Variants in SAMHD1 observed in about 807,000 individuals in gnomAD.
SAMHD1 encodes deoxynucleoside triphosphate triphosphohydrolase SAMHD1.
Under a neutral mutation model 79.6 loss-of-function variants are expected in SAMHD1, and 54 were observed. That is an observed-to-expected ratio of 0.68 (90% CI 0.55 to 0.85). The LOEUF is 0.85. Ranked by LOEUF, SAMHD1 falls within the 40% of genes least tolerant of loss-of-function variation. SAMHD1 has a pLI of 0.00. For missense variants in SAMHD1, 663 were observed against 782.7 expected, an observed-to-expected ratio of 0.85 and a Z score of 1.82; for synonymous variants, 260 against 264.1, an observed-to-expected ratio of 0.98 and a Z score of 0.15.
chr20:36,920,801 G>T (rs1949112042), intron 6 of SAMHD1, among the ~76,000 whole-genome samples: 1 of 150,790 alleles, frequency 6.6e-6, no homozygotes, highest in African/African-American at 2.4e-5. Flanking sequence ...ACAGAATCAG[G>T]CTGGGTGCAG....
chr20:36,941,107 A>G lies in SAMHD1; in HGVS notation c.280T>C (p.Leu94=). Residue 94 remains leucine (L), a synonymous_variant, in exon 3 of 16, where the codon TTG becomes CTG. Coordinates refer to ENST00000646673, the MANE Select transcript of SAMHD1 (RefSeq NM_015474.4). ...CTAAGCAGCTTCTTCCTCTCCCCCA[A>G]GGAACTAAAATTACAATAGGATAAG... is the stretch of plus-strand genomic sequence containing the variant. ...SRFENLGVSS[L]GERKKLLSYI... 6.2e-7 allele frequency: 1 copy of G among 1,610,036 alleles called. No individual in the cohort carries two copies. Among genetic ancestry groups the G allele is most frequent in the Non-Finnish European group, 8.5e-7 (1 of 1,176,484 alleles).
intron 3 of SAMHD1, chr20:36,940,701 T>TA (rs897249101): frequency 0.016 from 4,488 of 285,624 alleles, no homozygotes; most frequent in South Asian, 0.026. Flanking sequence ...CACATTTCAT[T>TA]AAAAAAAAAA....
chr20:36,893,796 G>C (rs1467719426), intron 15 of SAMHD1: 1 of 397,774 alleles, frequency 2.5e-6, no homozygotes, highest in Admixed American at 4.4e-5. Context: ...CTGCTTATTT[G>C]CTCTCAGATC....
intron 2 of SAMHD1, among the ~76,000 whole-genome samples, chr20:36,943,024 G>A (rs1016380946): frequency 2.0e-5 from 3 of 152,174 alleles, no homozygotes; most frequent in Admixed American, 1.3e-4. Flanking sequence ...CCTACTAGGA[G>A]TGCTTGTCTA....
In SAMHD1 at chr20:36,919,462, G is replaced by A. The variant is rs764368730; in HGVS notation, c.754C>T (p.Pro252Ser). ...EHLINSNGIK[P>S]VMEQYGLIPE... Reference sequence around the variant, plus strand: ...ATGAGACCATATTGTTCCATGACAGGCTTAATTCCATTAGAATTAATAAGG... The same window carrying A: ...ATGAGACCATATTGTTCCATGACAGACTTAATTCCATTAGAATTAATAAGG... The change falls in exon 7 of 16, where the codon CCT (proline) becomes TCT (serine). Residue 252 changes from proline (P) to serine (S), a missense_variant. By Grantham distance (74) the Pro-to-Ser change is moderately conservative. Coordinates refer to ENST00000646673, the MANE Select transcript of SAMHD1 (RefSeq NM_015474.4). 3.7e-6 allele frequency: 6 copies of A among 1,612,440 alleles called. No individual in the cohort carries two copies. In the South Asian group the frequency reaches 6.6e-5, roughly 18 times the overall value.
chr20:36,930,718 T>C (rs1568776664), intron 5 of SAMHD1, 42 bp downstream of exon 5: 1 of 1,336,904 alleles, frequency 7.5e-7, no homozygotes. Context: ...GTAACATATG[T>C]TATGATTTTA....
chr20:36,894,217 A>C (rs1383042760), intron 15 of SAMHD1: 1 of 330,320 alleles, frequency 3.0e-6, no homozygotes, highest in East Asian at 4.7e-5. Flanking sequence ...TAGAACTATT[A>C]AAAATAGTTT....
intron 1 of SAMHD1, chr20:36,947,125 T>A (rs2063691497): frequency 6.9e-6 from 2 of 290,978 alleles, no homozygotes; most frequent in South Asian, 7.0e-5. Flanking sequence ...CAGCTTTGAG[T>A]TGGGGAGGGA....
At chr20:36,910,652 C>T (rs1388604782) in intron 11 of SAMHD1, among the ~76,000 whole-genome samples, 1 of 151,506 alleles carries the variant, frequency 6.6e-6, no homozygotes, top group Non-Finnish European at 1.5e-5. Context: ...ATTGCTGAAA[C>T]CCAAGAGGTG....
chr20:36,930,840 A>C lies in SAMHD1; in HGVS notation c.545T>G (p.Leu182Arg). 6.2e-7 allele frequency: 1 copy of C among 1,614,032 alleles called. No homozygotes were observed. Among genetic ancestry groups the C allele is most frequent in the Non-Finnish European group, 8.5e-7 (1 of 1,179,946 alleles). The change falls in exon 5 of 16, where the codon CTG becomes CGG. Residue 182 changes from leucine to arginine, a missense_variant. Leu to Arg is a moderately radical substitution (Grantham distance 102). Coordinates refer to ENST00000646673, the MANE Select transcript of SAMHD1 (RefSeq NM_015474.4). ...CTGCAGCTCTGGTTGTTTTTCACCC[A>C]GTGCGTGAACTAGACATCCTGCTAG... is the stretch of plus-strand genomic sequence containing the variant. ...GYLAGCLVHALGEKQPELQIS... is the reference protein window; with the variant it reads ...GYLAGCLVHARGEKQPELQIS...
At chr20:36,911,515 G>C in intron 10 of SAMHD1, 182 bp from the exon 11 acceptor site, 1 of 602,322 alleles carries the variant, frequency 1.7e-6, no homozygotes, top group Non-Finnish European at 3.0e-6. Flanking sequence ...CATGCTTACT[G>C]TGTTCCAGGC....
chr20:36,913,916 G>A (rs2063460013), intron 9 of SAMHD1, among the ~76,000 whole-genome samples: 1 of 151,824 alleles, frequency 6.6e-6, no homozygotes, highest in Admixed American at 6.6e-5. Flanking sequence ...ACCACGCCTG[G>A]CTAATTTTTG....
intron 9 of SAMHD1, among the ~76,000 whole-genome samples, chr20:36,913,223 T>A (rs898185427): frequency 1.3e-5 from 2 of 151,116 alleles, no homozygotes; most frequent in African/African-American, 4.9e-5. Context: ...GGTCTCAATC[T>A]CCTGACCTCA....
chr20:36,951,481 T>C lies in SAMHD1; in HGVS notation c.163A>G (p.Arg55Gly). 6.2e-7 allele frequency: 1 copy of C among 1,614,112 alleles called. No homozygotes were observed. Among genetic ancestry groups the C allele is most frequent in the Non-Finnish European group, 8.5e-7 (1 of 1,179,978 alleles). ...WGPEQVCSFL[R>G]RGGFEEPVLL... ...ACCGGCTCTTCAAAGCCACCGCGCC[T>C]GAGGAAGGAGCACACCTGCTCCGGA... Residue 55 changes from arginine to glycine, a missense_variant, in exon 1 of 16, where the codon AGG becomes GGG. By Grantham distance (125) the Arg-to-Gly change is moderately radical. Coordinates refer to ENST00000646673, the MANE Select transcript of SAMHD1 (RefSeq NM_015474.4).
chr20:36,946,628 C>T, intron 2 of SAMHD1, 110 bp downstream of exon 2: 1 of 810,832 alleles, frequency 1.2e-6, no homozygotes, highest in South Asian at 1.5e-5. Flanking sequence ...TTTTAAAGCA[C>T]TTCATAGATT....
chr20:36,919,726 C>G (rs1216865391), intron 6 of SAMHD1, among the ~76,000 whole-genome samples: 1 of 152,146 alleles, frequency 6.6e-6, no homozygotes, highest in Non-Finnish European at 1.5e-5. Context: ...TTTTACAAAA[C>G]TTATTTCATA....
chr20:36,941,171 T>C lies in SAMHD1; in HGVS notation c.276-60A>G, dbSNP rs2063641963. 2.7e-6 allele frequency: 3 copies of C among 1,094,550 alleles called. No homozygotes were observed. In the South Asian group the frequency reaches 3.8e-5, roughly 14 times the overall value. 67.8% of individuals were successfully genotyped at this position (1,094,550 alleles called of 1,614,324 possible). ...ATTTGCTTAATAATAATCCCTGCAG[T>C]ATATAGTAGACATAATAAACTTTAT... On this transcript the variant is annotated intron_variant, in intron 2 of 15. Coordinates refer to ENST00000646673, the MANE Select transcript of SAMHD1 (RefSeq NM_015474.4).
rs148718574 is a variant in SAMHD1, at chr20:36,899,867, C to T, written c.1504-1323G>A. 2.4e-3 allele frequency among the ~76,000 whole-genome samples: 364 copies of T among 152,100 alleles called. 1 individual carries two copies. The highest frequency in any genetic ancestry group is 3.9e-3 in the Non-Finnish European group (263 of 67,994). On this transcript the variant is annotated intron_variant, in intron 13 of 15. Transcript: ENST00000646673. ...TCCCAGCACTTTGGGAGGCCGAAGC[C>T]AGCGGATCACGAGGTCAGGAGATCA...
At chr20:36,902,618 G>GGA (rs1990325875) in intron 13 of SAMHD1, among the ~76,000 whole-genome samples, 1 of 152,176 alleles carries the variant, frequency 6.6e-6, no homozygotes, top group African/African-American at 2.4e-5. Context: ...GTATGGGTGT[G>GGA]GAGATGTTTA....
Sources: allele counts gnomAD v4.1 joint callset (sites outside exome capture counted in the v4.1 genomes callset), GRCh38; gene constraint gnomAD v4.1.1; transcripts MANE v1.5; gene names NCBI Gene and HGNC (gene_info 2026-07-23, HGNC 2026-07-21).